The following MAD1L1 variants were observed in gnomAD, a reference collection of about 807,000 sequenced individuals.
The protein encoded by MAD1L1 is mitotic spindle assembly checkpoint protein MAD1.
A neutral mutation model predicts 96.9 loss-of-function variants in MAD1L1; 95 were observed. That is an observed-to-expected ratio of 0.98 (90% confidence interval 0.83 to 1.16). The LOEUF (loss-of-function observed/expected upper bound fraction) is 1.16. MAD1L1 is among the 50% of genes most tolerant of loss of function. The pLI is 0.00. For missense variants in MAD1L1, 1,007 were observed against 954.4 expected, an observed-to-expected ratio of 1.06 and a Z score of -0.73; for synonymous variants, 473 against 396.6, an observed-to-expected ratio of 1.19 and a Z score of -2.29.
intron 14 of MAD1L1, among the ~76,000 whole-genome samples, chr7:1,982,365 A>G (rs1201740936): frequency 6.6e-6 from 1 of 151,862 alleles, no homozygotes; most frequent in Non-Finnish European, 1.5e-5. Context: ...CACGCCATCA[A>G]GCCCAGCTAA....
intron 18 of MAD1L1, among the ~76,000 whole-genome samples, chr7:1,827,121 T>G (rs1027539600): frequency 5.3e-5 from 8 of 151,618 alleles, no homozygotes; most frequent in Non-Finnish European, 1.2e-4. Context: ...CTGCTGTGAG[T>G]GGCATCCGCC....
intron 12 of MAD1L1, among the ~76,000 whole-genome samples, chr7:2,020,589 G>A (rs1042932770): frequency 6.6e-6 from 1 of 152,180 alleles, no homozygotes; most frequent in East Asian, 1.9e-4. Context: ...TCTCTCACCT[G>A]CCCGGGCTGC....
Position 1,908,499 on chromosome 7 carries a change from A to T in MAD1L1, c.1808-10109T>A, listed in dbSNP as rs1045182279. Among the ~76,000 whole-genome samples the T allele has an allele frequency of 2.6e-5, 4 of 152,116 alleles. No homozygotes were observed. In the East Asian group the frequency reaches 7.7e-4, roughly 29 times the overall value. On this transcript the variant is annotated intron_variant, in intron 17 of 18. Transcript: ENST00000265854. ...GGGGCTCAAGCAATCCTCCCACCTCAGCTTCCCAAGTAGCTGGGACCACAG... is the reference window on the plus strand; with the variant it reads ...GGGGCTCAAGCAATCCTCCCACCTCTGCTTCCCAAGTAGCTGGGACCACAG...
At chr7:2,094,671 G>A (rs10274695) in intron 11 of MAD1L1, among the ~76,000 whole-genome samples, 2 of 149,500 alleles carry the variant, frequency 1.3e-5, no homozygotes, top group African/African-American at 5.0e-5. Flanking sequence ...TGGCAGGTGA[G>A]AAGGCCCCGG....
chr7:2,187,009 T>C (rs1457701976), intron 10 of MAD1L1, among the ~76,000 whole-genome samples: 1 of 151,880 alleles, frequency 6.6e-6, no homozygotes, highest in African/African-American at 2.4e-5. Flanking sequence ...GCCAGGCTGA[T>C]CTTGAACTCC....
chr7:1,903,205 G>A (rs574574118), intron 17 of MAD1L1, among the ~76,000 whole-genome samples: 82 of 150,628 alleles, frequency 5.4e-4, no homozygotes, highest in Non-Finnish European at 9.0e-4. Context: ...ACGCTCCTGC[G>A]GAACTCATGA....
intron 17 of MAD1L1, among the ~76,000 whole-genome samples, chr7:1,910,700 C>T (rs747470715): frequency 3.3e-5 from 5 of 152,234 alleles, no homozygotes; most frequent in East Asian, 1.9e-4. Flanking sequence ...ACCTGGAACA[C>T]GTTCGTCAGG....
At position 1,957,640 on chromosome 7, in the gene MAD1L1, G is replaced by T. The variant is rs1554307170; in HGVS notation, c.1585C>A (p.Arg529=). 1 of 1,613,906 alleles carries T rather than the reference G, an allele frequency of 6.2e-7. No individual in the cohort carries two copies. The highest frequency in any genetic ancestry group is 8.5e-7 in the Non-Finnish European group (1 of 1,180,002). The change falls in exon 16 of 19, where the codon CGA becomes AGA. Residue 529 remains arginine, a synonymous_variant. Coordinates refer to ENST00000265854, the MANE Select transcript of MAD1L1 (RefSeq NM_001013836.2). ...KRMLEAQLER[R]ALQGDYDQSR... Reference sequence around the variant, plus strand: ...TGCCCCGCCCTCACCTGCAGAGCTCGCCGCTCCAGCTGTGCCTCCAGCATC... The same window carrying T: ...TGCCCCGCCCTCACCTGCAGAGCTCTCCGCTCCAGCTGTGCCTCCAGCATC...
intron 10 of MAD1L1, among the ~76,000 whole-genome samples, chr7:2,155,450 C>T (rs1789783613): frequency 1.3e-5 from 2 of 152,202 alleles, no homozygotes; most frequent in South Asian, 2.1e-4. Flanking sequence ...GAAACCCTGT[C>T]GCATTAAAGA....
chr7:1,925,523 G>A (rs1164185683), intron 17 of MAD1L1, among the ~76,000 whole-genome samples: 1 of 152,200 alleles, frequency 6.6e-6, no homozygotes, highest in African/African-American at 2.4e-5. Context: ...ACGGCAGGAG[G>A]GCAGATACAG....
rs143864315 is a variant in MAD1L1, at chr7:2,095,834, G to A, written c.1074-26496C>T. 2.6e-3 allele frequency among the ~76,000 whole-genome samples: 395 copies of A among 152,362 alleles called. 2 individuals are homozygous for A. Among genetic ancestry groups the A allele is most frequent in the African/African-American group, 8.8e-3 (365 of 41,582 alleles). ...CACCCCAGCCGTCTCTAAGGGGAAG[G>A]GCAGAGTGCATCCACGCACACTTGC... is the stretch of plus-strand genomic sequence containing the variant. On this transcript the variant is annotated intron_variant, in intron 11 of 18. Transcript: ENST00000265854.
chr7:1,909,162 C>T (rs1384441428), intron 17 of MAD1L1, among the ~76,000 whole-genome samples: 1 of 152,208 alleles, frequency 6.6e-6, no homozygotes, highest in East Asian at 1.9e-4. Flanking sequence ...GAGGCCTCCA[C>T]ATCAGGCCGA....
chr7:2,108,080 G>T (rs979558613), intron 11 of MAD1L1, among the ~76,000 whole-genome samples: 1 of 150,678 alleles, frequency 6.6e-6, no homozygotes, highest in Non-Finnish European at 1.5e-5. Flanking sequence ...ACCCCAAAAT[G>T]GATCATTTTT....
At chr7:2,172,607 T>A (rs1443064145) in intron 10 of MAD1L1, among the ~76,000 whole-genome samples, 1 of 152,246 alleles carries the variant, frequency 6.6e-6, no homozygotes, top group African/African-American at 2.4e-5. Context: ...ACTCGCCACC[T>A]TGGCCGGCTC....
chr7:2,038,501 T>TC (rs1783539973), intron 12 of MAD1L1, among the ~76,000 whole-genome samples: 1 of 79,010 alleles, frequency 1.3e-5, no homozygotes, highest in Non-Finnish European at 2.1e-5. Flanking sequence ...CTGATGACTT[T>TC]TTTTTTTTTT....
chr7:2,053,869 G>A (rs960114958), intron 12 of MAD1L1, among the ~76,000 whole-genome samples: 1 of 152,222 alleles, frequency 6.6e-6, no homozygotes, highest in Non-Finnish European at 1.5e-5. Context: ...GTGCTCCAGG[G>A]GCACCCGATT....
At chr7:2,217,257 G>A (rs1359872480) in intron 7 of MAD1L1, among the ~76,000 whole-genome samples, 1 of 152,230 alleles carries the variant, frequency 6.6e-6, no homozygotes, top group Non-Finnish European at 1.5e-5. Context: ...AACAGGCAGA[G>A]TATGAAACCA....
chr7:1,891,879 C>A (rs1018710588), intron 18 of MAD1L1, among the ~76,000 whole-genome samples: 1 of 152,324 alleles, frequency 6.6e-6, no homozygotes, highest in South Asian at 2.1e-4. Flanking sequence ...CTGTGCCCAG[C>A]CATTCATTTA....
chr7:2,174,033 T>A (rs2128596692), intron 10 of MAD1L1, among the ~76,000 whole-genome samples: 2 of 152,322 alleles, frequency 1.3e-5, no homozygotes, highest in South Asian at 4.1e-4. Flanking sequence ...TTACCCATAA[T>A]GGTCTCCAAC....
Sources: allele counts gnomAD v4.1 joint callset (sites outside exome capture counted in the v4.1 genomes callset), GRCh38; gene constraint gnomAD v4.1.1; transcripts MANE v1.5; gene names NCBI Gene and HGNC (gene_info 2026-07-23, HGNC 2026-07-21).